Variants in PTCHD4 observed in about 807,000 individuals in gnomAD.
The protein encoded by PTCHD4 is patched domain containing 4, also known as patched domain-containing protein 4.
A neutral mutation model predicts 58.1 loss-of-function variants in PTCHD4; 33 were observed. That is an observed-to-expected ratio of 0.57 (90% CI 0.43 to 0.76). The LOEUF is 0.76. Ranked by LOEUF, PTCHD4 falls within the 30% of genes least tolerant of loss-of-function variation. The pLI is 0.00. For synonymous variants in PTCHD4, 478 were observed against 409.6 expected (o/e 1.17, Z -2.02); for missense variants, 1,058 against 1,027.1 (o/e 1.03, Z -0.41).
intron 3 of PTCHD4, among the ~76,000 whole-genome samples, chr6:48,019,540 T>C (rs1376967718): frequency 1.3e-5 from 2 of 152,090 alleles, no homozygotes; most frequent in Non-Finnish European, 2.9e-5. Flanking sequence ...ATTGAGATCA[T>C]CCTGGCTAAC....
Position 47,858,456 on chromosome 6 carries a change from AG to A in PTCHD4, c.*19846del, listed in dbSNP as rs993470673. 2.0e-5 allele frequency among the ~76,000 whole-genome samples: 3 copies of A among 152,058 alleles called. No individual in the cohort carries two copies. Among genetic ancestry groups the A allele is most frequent in the Admixed American group, 2.0e-4 (3 of 15,224 alleles). ...AAATGTAAACATTAATGGAAATAAA[AG>A]TTATCACATCTCCCAAACAACTATC... is the stretch of plus-strand genomic sequence containing the variant. On this transcript the variant is annotated 3_prime_UTR_variant, in exon 5 of 5. Coordinates refer to ENST00000339488, the MANE Select transcript of PTCHD4 (RefSeq NM_001384253.1).
At chr6:48,031,888 C>A (rs1166829303) in intron 3 of PTCHD4, among the ~76,000 whole-genome samples, 3 of 152,008 alleles carry the variant, frequency 2.0e-5, no homozygotes, top group African/African-American at 7.2e-5. Context: ...TGATTCAGAT[C>A]CTAAGAATAG....
intron 3 of PTCHD4, among the ~76,000 whole-genome samples, chr6:48,039,550 T>G (rs1763768940): frequency 6.6e-6 from 1 of 152,142 alleles, no homozygotes; most frequent in South Asian, 2.1e-4. Flanking sequence ...GGTGTTTGCT[T>G]GATAATTATC....
chr6:47,977,070 G>A (rs1019235464), intron 4 of PTCHD4, among the ~76,000 whole-genome samples: 2 of 152,164 alleles, frequency 1.3e-5, no homozygotes, highest in Admixed American at 1.3e-4. Context: ...AATAATTAGA[G>A]AGGTGAGTAA....
At chr6:48,059,970 C>G (rs1389839814) in intron 3 of PTCHD4, among the ~76,000 whole-genome samples, 1 of 152,166 alleles carries the variant, frequency 6.6e-6, no homozygotes, top group African/African-American at 2.4e-5. Context: ...ACTTGGTATT[C>G]TATTCTCACA....
At chr6:48,053,857 A>ATGGTACCG (rs1764318424) in intron 3 of PTCHD4, among the ~76,000 whole-genome samples, 1 of 152,112 alleles carries the variant, frequency 6.6e-6, no homozygotes, top group Admixed American at 6.6e-5. Context: ...AGGCAGGAAA[A>ATGGTACCG]TGGTACCGTG....
chr6:47,945,045 A>C (rs1766364490), intron 4 of PTCHD4, among the ~76,000 whole-genome samples: 1 of 152,144 alleles, frequency 6.6e-6, no homozygotes, highest in African/African-American at 2.4e-5. Flanking sequence ...GCCAAATCCA[A>C]AGGTGACGGA....
At chr6:48,092,811 C>T (rs914912541) in intron 1 of PTCHD4, among the ~76,000 whole-genome samples, 1 of 152,144 alleles carries the variant, frequency 6.6e-6, no homozygotes, top group Non-Finnish European at 1.5e-5. Context: ...CTCAGTGAGG[C>T]CACCAAGGCA....
rs1402089472 is a variant in PTCHD4 at position 47,868,082 on chromosome 6, C to T, written c.*10221G>A. On this transcript the variant is annotated 3_prime_UTR_variant, in exon 5 of 5. Transcript: ENST00000339488. ...CAATGTGTTCCTTTGTTTTTAAAGCCTAACTAAGCTAATGAACAGAAACTA... is the reference window on the plus strand; with the variant it reads ...CAATGTGTTCCTTTGTTTTTAAAGCTTAACTAAGCTAATGAACAGAAACTA... Among the ~76,000 whole-genome samples, 1 of 151,604 alleles carries T rather than the reference C, an allele frequency of 6.6e-6. No individual in the cohort carries two copies. Among genetic ancestry groups the T allele is most frequent in the Non-Finnish European group, 1.5e-5 (1 of 67,762 alleles).
At chr6:47,880,950 C>T (rs560690519) in intron 4 of PTCHD4, among the ~76,000 whole-genome samples, 59 of 152,230 alleles carry the variant, frequency 3.9e-4, no homozygotes, top group African/African-American at 1.4e-3. Context: ...TGTCAATGAC[C>T]ATCCATAATA....
intron 4 of PTCHD4, among the ~76,000 whole-genome samples, chr6:47,916,093 T>A (rs1765233864): frequency 6.6e-6 from 1 of 152,024 alleles, no homozygotes; most frequent in Non-Finnish European, 1.5e-5. Context: ...GCTCTGCCAA[T>A]CCCACAAAGT....
At position 47,879,289 on chromosome 6, in the gene PTCHD4, T is replaced by C; in HGVS notation, c.1546A>G (p.Ile516Val). 6.2e-7 allele frequency: 1 copy of C among 1,612,736 alleles called. No individual in the cohort carries two copies. Among genetic ancestry groups the C allele is most frequent in the Non-Finnish European group, 8.5e-7 (1 of 1,179,360 alleles). The change falls in exon 5 of 5, where the codon ATA (isoleucine) becomes GTA (valine). Residue 516 changes from isoleucine to valine, a missense_variant. Ile to Val is a conservative substitution (Grantham distance 29, BLOSUM62 3). Transcript: ENST00000339488. ...QKYFSNYSPV[I>V]GFYVYEPLEY... is the part of the protein sequence containing the mutation. ...AGGGGCTCATAGACGTAGAATCCTA[T>C]CACAGGGCTATAGTTGCTGAAATAT... is the stretch of plus-strand genomic sequence containing the variant.
chr6:48,003,938 A>G (rs1201074670), intron 4 of PTCHD4, among the ~76,000 whole-genome samples: 4 of 151,452 alleles, frequency 2.6e-5, no homozygotes, highest in Non-Finnish European at 5.9e-5. Context: ...CTTCAATTTT[A>G]CTCTTTAGAA....
intron 4 of PTCHD4, among the ~76,000 whole-genome samples, chr6:47,975,557 C>T (rs1243874163): frequency 6.6e-6 from 1 of 152,140 alleles, no homozygotes; most frequent in Admixed American, 6.5e-5. Flanking sequence ...AGCTACTAAT[C>T]TTGTCTTGCA....
intron 3 of PTCHD4, among the ~76,000 whole-genome samples, chr6:48,031,296 T>G (rs1427127572): frequency 1.3e-5 from 2 of 152,048 alleles, no homozygotes; most frequent in African/African-American, 2.4e-5. Flanking sequence ...CCCTTATCCC[T>G]ATGTTGCCTG....
chr6:47,978,039 T>G (rs889012631), intron 4 of PTCHD4, among the ~76,000 whole-genome samples: 17 of 152,164 alleles, frequency 1.1e-4, no homozygotes, highest in African/African-American at 4.1e-4. Context: ...AACTTATTGA[T>G]AGAAATAGAA....
intron 4 of PTCHD4, among the ~76,000 whole-genome samples, chr6:48,004,349 A>G (rs1313166484): frequency 6.6e-6 from 1 of 152,158 alleles, no homozygotes; most frequent in East Asian, 1.9e-4. Context: ...CTCAGAATGG[A>G]CAAAAAAATA....
chr6:48,061,793 T>C (rs1764634868), intron 3 of PTCHD4, among the ~76,000 whole-genome samples: 1 of 152,216 alleles, frequency 6.6e-6, no homozygotes, highest in Non-Finnish European at 1.5e-5. Flanking sequence ...CCAGGGCTGT[T>C]GTAAATGTAC....
At chr6:47,962,625 G>A (rs115248122) in intron 4 of PTCHD4, among the ~76,000 whole-genome samples, 1 of 152,022 alleles carries the variant, frequency 6.6e-6, no homozygotes, top group South Asian at 2.1e-4. Flanking sequence ...TTGTGAAGAA[G>A]GTTTGTTGCT....
Sources: gnomAD v4.1 joint callset for allele counts (sites outside exome capture counted in the v4.1 genomes callset) on GRCh38, gnomAD v4.1.1 for gene constraint, MANE v1.5 for transcripts, NCBI Gene and HGNC (gene_info 2026-07-23, HGNC 2026-07-21) for gene names.